DSCAM: variants seen among roughly 807,000 people sequenced by gnomAD.
DSCAM encodes DS cell adhesion molecule, also known as cell adhesion molecule DSCAM.
Under a neutral mutation model 217.7 loss-of-function variants are expected in DSCAM, and 47 were observed. The observed-to-expected ratio is 0.22, with a 90% confidence interval of 0.17 to 0.28. The LOEUF is 0.28. Ranked by LOEUF, DSCAM falls within the 10% of genes least tolerant of loss-of-function variation. The probability of loss-of-function intolerance (pLI) is 1.00; values close to 1 mark genes in which losing one functional copy is unlikely to be tolerated. For synonymous variants in DSCAM, 1,056 were observed against 1,015.3 expected (o/e 1.04, Z -0.76); for missense variants, 2,080 against 2,618.3 (o/e 0.79, Z 4.49).
At chr21:40,759,152 C>T (rs2091305419) in intron 1 of DSCAM, among the ~76,000 whole-genome samples, 1 of 151,988 alleles carries the variant, frequency 6.6e-6, no homozygotes, top group South Asian at 2.1e-4. Context: ...GCTCTTAGTC[C>T]CATCCTGTCT....
At chr21:40,809,975 C>T (rs1460593522) in intron 1 of DSCAM, among the ~76,000 whole-genome samples, 1 of 152,210 alleles carries the variant, frequency 6.6e-6, no homozygotes, top group Non-Finnish European at 1.5e-5. Context: ...GCACCATTGC[C>T]TCCTGACTTC....
chr21:40,774,482 TG>T (rs2091471644), intron 1 of DSCAM, among the ~76,000 whole-genome samples: 1 of 152,254 alleles, frequency 6.6e-6, no homozygotes, highest in Non-Finnish European at 1.5e-5. Flanking sequence ...CCTTCTTTGT[TG>T]CCTGGCCATG....
chr21:40,179,808 GT>G (rs2090779320), intron 14 of DSCAM, among the ~76,000 whole-genome samples: 1 of 152,202 alleles, frequency 6.6e-6, no homozygotes, highest in African/African-American at 2.4e-5. Flanking sequence ...GTATCTGGTG[GT>G]TTTCAGGCTT....
At chr21:40,526,211 ACT>A (rs1162423813) in intron 3 of DSCAM, among the ~76,000 whole-genome samples, 1 of 151,818 alleles carries the variant, frequency 6.6e-6, no homozygotes, top group Non-Finnish European at 1.5e-5. Flanking sequence ...CAGAGCTATA[ACT>A]CTGCCTCCAG....
intron 3 of DSCAM, among the ~76,000 whole-genome samples, chr21:40,485,463 C>T (rs2076019766): frequency 1.3e-5 from 2 of 151,528 alleles, no homozygotes; most frequent in South Asian, 2.1e-4. Flanking sequence ...AGGATGGTCT[C>T]CATCTCCTGA....
intron 27 of DSCAM, among the ~76,000 whole-genome samples, chr21:40,071,747 C>T (rs2146537485): frequency 6.6e-6 from 1 of 152,310 alleles, no homozygotes; most frequent in East Asian, 1.9e-4. Flanking sequence ...TATATTTGAA[C>T]TTATTCTCCC....
intron 6 of DSCAM, among the ~76,000 whole-genome samples, chr21:40,341,231 T>A (rs1435046454): frequency 6.6e-6 from 1 of 152,246 alleles, no homozygotes; most frequent in Non-Finnish European, 1.5e-5. Flanking sequence ...ATCCTGTGTT[T>A]AATTTTACAG....
intron 3 of DSCAM, among the ~76,000 whole-genome samples, chr21:40,559,254 T>G (rs777951325): frequency 2.6e-5 from 4 of 151,666 alleles, no homozygotes; most frequent in South Asian, 2.1e-4. Flanking sequence ...GGCAGGAGAT[T>G]GAGACCATCC....
intron 5 of DSCAM, 84 bp downstream of exon 5, chr21:40,353,381 C>G: frequency 6.4e-7 from 1 of 1,552,986 alleles, no homozygotes. Context: ...TGGAAAGCTA[C>G]AGAGAAAACA....
At chr21:40,589,763 T>C (rs537393871) in intron 3 of DSCAM, among the ~76,000 whole-genome samples, 1 of 152,376 alleles carries the variant, frequency 6.6e-6, no homozygotes, top group East Asian at 1.9e-4. Context: ...CAATCTAGCA[T>C]GTGCGGTCAT....
chr21:40,571,432 A>G (rs897013307), intron 3 of DSCAM, among the ~76,000 whole-genome samples: 14 of 152,310 alleles, frequency 9.2e-5, no homozygotes, highest in African/African-American at 3.1e-4. Flanking sequence ...ATGGACATCT[A>G]ATATGTATCA....
At chr21:40,148,760 T>A (rs1311109466) in intron 16 of DSCAM, among the ~76,000 whole-genome samples, 1 of 151,820 alleles carries the variant, frequency 6.6e-6, no homozygotes, top group Non-Finnish European at 1.5e-5. Context: ...ACCAGCTTCA[T>A]CTCTGTCAAA....
At chr21:40,190,555 G>C (rs572860928) in intron 11 of DSCAM, among the ~76,000 whole-genome samples, 5 of 152,324 alleles carry the variant, frequency 3.3e-5, no homozygotes, top group African/African-American at 1.2e-4. Context: ...GCCTCAGCTT[G>C]TGTTATATAT....
At chr21:40,433,346 T>TAA (rs10678618) in intron 3 of DSCAM, among the ~76,000 whole-genome samples, 44,318 of 93,254 alleles carry the variant, frequency 0.48, 10,348 homozygotes, top group Admixed American at 0.58. Flanking sequence ...AGACTCCGTC[T>TAA]AAAAAAAAAA....
At chr21:40,299,866 CT>C (rs767183747) in intron 9 of DSCAM, among the ~76,000 whole-genome samples, 1 of 152,104 alleles carries the variant, frequency 6.6e-6, no homozygotes, top group Non-Finnish European at 1.5e-5. Context: ...GACCTAGATA[CT>C]TTTTTTCTAC....
intron 10 of DSCAM, among the ~76,000 whole-genome samples, chr21:40,288,949 C>T (rs1601520514): frequency 6.6e-6 from 1 of 152,076 alleles, no homozygotes; most frequent in East Asian, 1.9e-4. Flanking sequence ...AGCCCAGTCT[C>T]CTAACTGATG....
chr21:40,749,044 C>T (rs1373403409), intron 1 of DSCAM, among the ~76,000 whole-genome samples: 1 of 152,082 alleles, frequency 6.6e-6, no homozygotes, highest in Non-Finnish European at 1.5e-5. Flanking sequence ...AAGAATGTAA[C>T]TAGATCACTA....
intron 3 of DSCAM, among the ~76,000 whole-genome samples, chr21:40,412,826 T>C (rs1377075786): frequency 1.3e-5 from 2 of 152,220 alleles, no homozygotes; most frequent in Non-Finnish European, 2.9e-5. Flanking sequence ...CTCCAGGGCA[T>C]GTCAGAGACC....
At chr21:40,499,369 T>C (rs1395815326) in intron 3 of DSCAM, among the ~76,000 whole-genome samples, 1 of 152,190 alleles carries the variant, frequency 6.6e-6, no homozygotes, top group African/African-American at 2.4e-5. Flanking sequence ...CTCTTGCTCT[T>C]TGAATACCTC....
Sources: allele counts gnomAD v4.1 joint callset (sites outside exome capture counted in the v4.1 genomes callset), GRCh38; gene constraint gnomAD v4.1.1; transcripts MANE v1.5; gene names NCBI Gene and HGNC (gene_info 2026-07-23, HGNC 2026-07-21).